Variants in BCL11B observed in about 807,000 individuals in gnomAD.
The protein encoded by BCL11B is BCL11 transcription factor B.
BCL11B carries 8 observed loss-of-function variants against 49.9 expected under a neutral mutation model. That is an observed-to-expected ratio of 0.16 (90% confidence interval 0.09 to 0.29). BCL11B has a LOEUF of 0.29. Among genes scored for constraint, BCL11B ranks in the 10% least tolerant of loss-of-function variants. BCL11B has a pLI of 1.00. For synonymous variants in BCL11B, 739 were observed against 637.4 expected (o/e 1.16, Z -2.40); for missense variants, 1,006 against 1,351.0 (o/e 0.74, Z 4.00).
intron 3 of BCL11B, among the ~76,000 whole-genome samples, chr14:99,178,561 C>A (rs1886606720): frequency 1.3e-5 from 2 of 152,352 alleles, no homozygotes; most frequent in Admixed American, 1.3e-4. Context: ...TTCTGTCCTA[C>A]ACTTATTAGT....
rs889627857 is a variant in BCL11B at position 99,231,282 on chromosome 14, C to T, written c.640+63G>A. 10 of 1,542,528 alleles carry T rather than the reference C, an allele frequency of 6.5e-6. No homozygotes were observed. Among genetic ancestry groups the T allele is most frequent in the Middle Eastern group, 2.3e-4 (1 of 4,304 alleles). Reference sequence around the variant, plus strand: ...TCCCTGGGTCCCCACCTTGCTCCAGCGCTGCCCATGGCACACCCCGCCATC... The same window carrying T: ...TCCCTGGGTCCCCACCTTGCTCCAGTGCTGCCCATGGCACACCCCGCCATC... On this transcript the variant is annotated intron_variant, in intron 3 of 3. Coordinates refer to ENST00000357195, the MANE Select transcript of BCL11B (RefSeq NM_138576.4). This position sits in a 1 kb window ranked among gnomAD's most constrained non-coding sequence, Gnocchi z 8.1.
chr14:99,269,936 A>G (rs1264508414), intron 1 of BCL11B, among the ~76,000 whole-genome samples: 2 of 147,022 alleles, frequency 1.4e-5, no homozygotes, highest in African/African-American at 5.0e-5. Flanking sequence ...GCACCGCGAG[A>G]GAAAGAACGG....
chr14:99,183,588 C>T (rs1000285159), intron 3 of BCL11B, among the ~76,000 whole-genome samples: 1 of 152,112 alleles, frequency 6.6e-6, no homozygotes, highest in Admixed American at 6.5e-5. Context: ...GGTCCTCATC[C>T]ACACAGGGAA....
At chr14:99,225,530 T>C (rs905769702) in intron 3 of BCL11B, among the ~76,000 whole-genome samples, 1 of 152,162 alleles carries the variant, frequency 6.6e-6, no homozygotes, top group African/African-American at 2.4e-5. Flanking sequence ...TTGAAAGCGC[T>C]GCATCCAGCA....
intron 3 of BCL11B, among the ~76,000 whole-genome samples, chr14:99,203,487 G>A (rs1887444852): frequency 6.6e-6 from 1 of 152,184 alleles, no homozygotes; most frequent in African/African-American, 2.4e-5. Context: ...GGTGCACCAC[G>A]TTCCATCAGT....
chr14:99,232,528 C>G lies in BCL11B; in HGVS notation c.428-971G>C, dbSNP rs933345717. Among the ~76,000 whole-genome samples, 3 of 152,176 alleles carry G rather than the reference C, an allele frequency of 2.0e-5. No homozygotes were observed. Among genetic ancestry groups the G allele is most frequent in the Non-Finnish European group, 4.4e-5 (3 of 68,024 alleles). On this transcript the variant is annotated intron_variant, in intron 2 of 3. Coordinates refer to ENST00000357195, the MANE Select transcript of BCL11B (RefSeq NM_138576.4). The surrounding 1 kb of genome is among the most constrained non-coding windows in gnomAD (Gnocchi z 5.1). The stretch of plus-strand genomic sequence containing the variant: ...AAGAGGATGGGCAGCTGGGCCCAGC[C>G]GGCTTTGCCAGGGAGGCCCAGCACA...
chr14:99,173,533 C>T lies in BCL11B; in HGVS notation c.*618G>A. 1 of 200,354 alleles carries T rather than the reference C, an allele frequency of 5.0e-6. No homozygotes were observed. The highest frequency in any genetic ancestry group is 1.0e-5 in the Non-Finnish European group (1 of 98,828). The allele number at this position is 200,354 out of a possible 1,614,324, so 12.4% of individuals were successfully genotyped here. ...TTGTTATCCGCTGTACATCCACACC[C>T]CCCACCCCAAAAACAAAAACCAAAA... On this transcript the variant is annotated 3_prime_UTR_variant, in exon 4 of 4. Transcript: ENST00000357195.
At chr14:99,230,643 C>T (rs1555381946) in intron 3 of BCL11B, among the ~76,000 whole-genome samples, 3 of 152,172 alleles carry the variant, frequency 2.0e-5, no homozygotes, top group Non-Finnish European at 4.4e-5. Context: ...GTTTGTGTCA[C>T]CACACCGGCC....
At chr14:99,190,391 G>A (rs1364435843) in intron 3 of BCL11B, among the ~76,000 whole-genome samples, 1 of 152,250 alleles carries the variant, frequency 6.6e-6, no homozygotes, top group Non-Finnish European at 1.5e-5. Context: ...TGGGGGTTGA[G>A]GCAGGAGAAT....
At chr14:99,229,003 A>AATGG (rs546394639) in intron 3 of BCL11B, among the ~76,000 whole-genome samples, 3,126 of 107,484 alleles carry the variant, frequency 0.029, 80 homozygotes, top group East Asian at 0.08. Flanking sequence ...TACATGGATG[A>AATGG]ATGGATGGAT....
At position 99,257,655 on chromosome 14, in the gene BCL11B, A is replaced by G. The variant is rs1378801369; in HGVS notation, c.243T>C (p.Cys81=). ...CATAGCAGGCACCCAAGCTGCCGCC[A>G]CACTGCTTCCTTTTGTGCTCTATAA... ...LVFIEHKRKQ[C]GGSLGACYDK... is the part of the protein sequence containing the mutation. The change falls in exon 2 of 4, where the codon TGT becomes TGC. Residue 81 remains cysteine, a synonymous_variant. Coordinates refer to ENST00000357195, the MANE Select transcript of BCL11B (RefSeq NM_138576.4). The surrounding 1 kb of genome is among the most constrained non-coding windows in gnomAD (Gnocchi z 6.2). 1.2e-6 allele frequency: 2 copies of G among 1,613,076 alleles called. No homozygotes were observed. The highest frequency in any genetic ancestry group is 4.5e-5 in the East Asian group (2 of 44,812).
intron 3 of BCL11B, among the ~76,000 whole-genome samples, chr14:99,179,035 G>C (rs943398870): frequency 2.0e-5 from 3 of 152,214 alleles, no homozygotes; most frequent in Non-Finnish European, 4.4e-5. Flanking sequence ...AAAATGCAGA[G>C]CGCTTACGCA....
At chr14:99,204,540 G>T (rs1005707375) in intron 3 of BCL11B, among the ~76,000 whole-genome samples, 7 of 152,054 alleles carry the variant, frequency 4.6e-5, no homozygotes, top group Non-Finnish European at 1.0e-4. Context: ...GTGGGTGGGG[G>T]ACTCGCCAAC....
In BCL11B at chr14:99,201,398, C is replaced by T. The variant is rs546677373; in HGVS notation, c.641-25203G>A. On this transcript the variant is annotated intron_variant, in intron 3 of 3. Coordinates refer to ENST00000357195, the MANE Select transcript of BCL11B (RefSeq NM_138576.4). ...AGAGCCTGATGAAGGCCTGCGGCAA[C>T]ATGAATCGCTGTCATGATCATCACC... Among the ~76,000 whole-genome samples the T allele has an allele frequency of 4.2e-4, 64 of 152,322 alleles. 3 individuals carry two copies. The South Asian group carries it at 0.013, about 32-fold the overall frequency.
intron 3 of BCL11B, among the ~76,000 whole-genome samples, chr14:99,198,874 G>A (rs1012439903): frequency 5.3e-5 from 8 of 152,180 alleles, no homozygotes; most frequent in African/African-American, 1.2e-4. Flanking sequence ...GCAGGCTTCC[G>A]ACTCTCTGCA....
Position 99,175,607 on chromosome 14 carries a change from G to C in BCL11B, c.1229C>G (p.Pro410Arg). The change falls in exon 4 of 4, where the codon CCG becomes CGG. Residue 410 changes from proline (P) to arginine (R), a missense_variant. By Grantham distance (103) the Pro-to-Arg change is moderately radical. Transcript: ENST00000357195. Reference sequence around the variant, plus strand: ...CGGCGTGCCGCCAGGGGGCATGGGCGGCAGCGGCGGCGTGCTCAGGAACGG... The same window carrying C: ...CGGCGTGCCGCCAGGGGGCATGGGCCGCAGCGGCGGCGTGCTCAGGAACGG... ...KSPFLSTPPL[P>R]PMPPGGTPPP... 1 of 1,563,712 alleles carries C rather than the reference G, an allele frequency of 6.4e-7. No homozygotes were observed. The highest frequency in any genetic ancestry group is 8.6e-7 in the Non-Finnish European group (1 of 1,161,360).
chr14:99,203,676 A>C (rs894454739), intron 3 of BCL11B, among the ~76,000 whole-genome samples: 12 of 152,152 alleles, frequency 7.9e-5, no homozygotes, highest in Non-Finnish European at 1.8e-4. Context: ...GTAATTGCAC[A>C]AATGGGTCTG....
In BCL11B at chr14:99,231,470, C is replaced by T. The variant is rs770333002; in HGVS notation, c.515G>A (p.Arg172His). The T allele has an allele frequency of 3.8e-6, 6 of 1,599,882 alleles. No homozygotes were observed. Among genetic ancestry groups the T allele is most frequent in the Admixed American group, 1.7e-5 (1 of 58,346 alleles). ...GCAGGGCGGGAGAGCGCCCAGGGCACGCAGAGGTGAAGTGATCACGGATGA... is the reference window on the plus strand; with the variant it reads ...GCAGGGCGGGAGAGCGCCCAGGGCATGCAGAGGTGAAGTGATCACGGATGA... The part of the protein sequence containing the change: ...PHSSVITSPL[R>H]ALGALPPCLP... Residue 172 changes from arginine (R) to histidine (H), a missense_variant, in exon 3 of 4, where the codon CGT (arginine) becomes CAT (histidine). Arg to His is a conservative substitution (Grantham distance 29, BLOSUM62 0). This residue lies in a region of BCL11B where 411 missense variants were observed against 542.2 expected (regional missense o/e 0.76). Transcript: ENST00000357195. This position sits in a 1 kb window ranked among gnomAD's most constrained non-coding sequence, Gnocchi z 8.1.
intron 2 of BCL11B, among the ~76,000 whole-genome samples, chr14:99,235,616 T>G (rs1401570013): frequency 6.6e-6 from 1 of 151,362 alleles, no homozygotes; most frequent in African/African-American, 2.5e-5. Context: ...TTTCTCCCTT[T>G]TTATTTATTT....
Sources: allele counts gnomAD v4.1 joint callset (sites outside exome capture counted in the v4.1 genomes callset), GRCh38; gene constraint gnomAD v4.1.1; regional missense constraint gnomAD v4.1.1; non-coding constraint Gnocchi (gnomAD v3.1); transcripts MANE v1.5; gene names NCBI Gene and HGNC (gene_info 2026-07-23, HGNC 2026-07-21).